The following ACSM3 variants were observed in gnomAD, a reference collection of about 807,000 sequenced individuals.
ACSM3 encodes the protein acyl-coenzyme A synthetase ACSM3, mitochondrial.
ACSM3 carries 61 observed loss-of-function variants against 74.1 expected under a neutral mutation model. That is an observed-to-expected ratio of 0.82 (90% CI 0.67 to 1.02). ACSM3 has a LOEUF of 1.02. ACSM3 is among the 50% of genes least tolerant of loss of function. The probability of loss-of-function intolerance (pLI) is 0.00; values close to 1 mark genes in which losing one functional copy is unlikely to be tolerated. For missense variants in ACSM3, 660 were observed against 697.0 expected (o/e 0.95, Z 0.60); for synonymous variants, 213 against 241.5 (o/e 0.88, Z 1.09).
At chr16:20,722,456 A>G (rs1312283911) in intron 1 of ACSM3, among the ~76,000 whole-genome samples, 1 of 152,222 alleles carries the variant, frequency 6.6e-6, no homozygotes, top group African/African-American at 2.4e-5. Context: ...GCTCTAAAAC[A>G]TTAGTATTTC....
At chr16:20,706,508 G>A (rs151220) in intron 1 of ACSM3, among the ~76,000 whole-genome samples, 144,701 of 152,268 alleles carry the variant, frequency 0.95, 68,985 homozygotes, top group Non-Finnish European at 0.99. Context: ...TGAGAACCTG[G>A]GGATTTAGGC....
rs1318176496 is a variant in ACSM3 at position 20,781,046 on chromosome 16, G to A, written c.855G>A (p.Trp285Ter). 3 of 1,614,200 alleles carry A rather than the reference G, an allele frequency of 1.9e-6. No individual in the cohort carries two copies. Among genetic ancestry groups the A allele is most frequent in the Non-Finnish European group, 1.7e-6 (2 of 1,180,036 alleles). ...ATACGGGCTGGGCAAAGTCTGCATG[G>A]AGTAGTGTTTTTTCTCCGTGGATCC... ...TSDTGWAKSA[W>*]SSVFSPWIQG... The change falls in exon 6 of 14, where the codon TGG becomes TGA. Residue 285 changes from tryptophan to a stop codon, truncating the protein, a stop_gained. Transcript: ENST00000289416. LOFTEE classifies it high-confidence loss of function.
intron 1 of ACSM3, among the ~76,000 whole-genome samples, chr16:20,695,487 TG>T (rs1461676930): frequency 6.6e-6 from 1 of 152,142 alleles, no homozygotes; most frequent in Non-Finnish European, 1.5e-5. Flanking sequence ...AGAGAAGGAA[TG>T]GGGATGAATA....
chr16:20,742,197 C>T (rs746981585), intron 1 of ACSM3: 16 of 456,512 alleles, frequency 3.5e-5, no homozygotes, highest in Admixed American at 2.0e-4. Flanking sequence ...TGCATGAGCC[C>T]CTTGAGGCAT....
At position 20,797,301 on chromosome 16, in the gene ACSM3, C is replaced by T; in HGVS notation, c.*329C>T. 9.7e-7 allele frequency: 1 copy of T among 1,036,088 alleles called. No homozygotes were observed. The highest frequency in any genetic ancestry group is 1.2e-6 in the Non-Finnish European group (1 of 865,500). The allele number at this position is 1,036,088 out of a possible 1,614,324, so 64.2% of individuals were successfully genotyped here. A position where few individuals can be genotyped will look rare whatever the true frequency, so the allele number is the denominator to read the frequency against. ...TTCAAACTTTAGTTGACTAATTCTT[C>T]TGATATGTTGATATACAAATCAGAA... On this transcript the variant is annotated 3_prime_UTR_variant, in exon 14 of 14. Coordinates refer to ENST00000289416, the MANE Select transcript of ACSM3 (RefSeq NM_005622.4).
chr16:20,787,026 C>A (rs1455923060), intron 9 of ACSM3, among the ~76,000 whole-genome samples: 1 of 152,228 alleles, frequency 6.6e-6, no homozygotes, highest in Non-Finnish European at 1.5e-5. Context: ...TCCACTGCCA[C>A]TACTACCACC....
intron 1 of ACSM3, among the ~76,000 whole-genome samples, chr16:20,711,845 AT>A (rs2079745072): frequency 6.6e-6 from 1 of 152,182 alleles, no homozygotes. Flanking sequence ...TAAGGAAGGG[AT>A]GTAGTTCTGC....
At chr16:20,718,011 G>GAAGAAGAAGAAGAAGAAGAAAAGA in intron 1 of ACSM3, among the ~76,000 whole-genome samples, 1 of 145,468 alleles carries the variant, frequency 6.9e-6, no homozygotes, top group Admixed American at 6.8e-5. Context: ...AGAAGAAGAA[G>GAAGAAGAAGAAGAAGAAGAAAAGA]AAGAAGAAGA....
At chr16:20,715,322 C>A (rs563675233) in intron 1 of ACSM3, among the ~76,000 whole-genome samples, 1 of 152,074 alleles carries the variant, frequency 6.6e-6, no homozygotes, top group African/African-American at 2.4e-5. Flanking sequence ...CTTCACTGTT[C>A]GACAGTCATG....
At chr16:20,722,796 T>G (rs1365907589) in intron 1 of ACSM3, among the ~76,000 whole-genome samples, 2 of 152,244 alleles carry the variant, frequency 1.3e-5, no homozygotes, top group Admixed American at 1.3e-4. Context: ...GGTTTGTTAC[T>G]GTAAGATTAA....
chr16:20,721,363 T>C (rs2079784660), intron 1 of ACSM3: 1 of 152,272 alleles, frequency 6.6e-6, no homozygotes, highest in Non-Finnish European at 1.5e-5. Flanking sequence ...TCTAGTTGAC[T>C]TGAGGTGGAG....
At chr16:20,694,641 G>A (rs1295076925) in intron 1 of ACSM3, among the ~76,000 whole-genome samples, 1 of 152,112 alleles carries the variant, frequency 6.6e-6, no homozygotes, top group Non-Finnish European at 1.5e-5. Context: ...CTTACTAAGT[G>A]ACTAAAGACC....
At chr16:20,727,498 A>G (rs2079810898) in intron 1 of ACSM3, 1 of 370,526 alleles carries the variant, frequency 2.7e-6, no homozygotes, top group African/African-American at 2.2e-5. Flanking sequence ...TATGTTTAGT[A>G]TATTTGGGGG....
intron 12 of ACSM3, among the ~76,000 whole-genome samples, chr16:20,795,614 C>T (rs1289969296): frequency 6.6e-6 from 1 of 152,202 alleles, no homozygotes; most frequent in Admixed American, 6.5e-5. Context: ...AAAAAAGCTT[C>T]AGGGGACTCT....
intron 1 of ACSM3, chr16:20,690,904 A>G: frequency 8.1e-7 from 1 of 1,235,220 alleles, no homozygotes; most frequent in Admixed American, 2.7e-5. Context: ...GGCAGAAGTA[A>G]CTTTGGTTCC....
chr16:20,738,578 GC>G (rs1200659046), intron 1 of ACSM3, among the ~76,000 whole-genome samples: 4 of 152,112 alleles, frequency 2.6e-5, no homozygotes, highest in African/African-American at 9.7e-5. Flanking sequence ...CAAATACCTG[GC>G]CCTGCATTCC....
intron 9 of ACSM3, among the ~76,000 whole-genome samples, chr16:20,786,967 T>C (rs924784938): frequency 6.6e-6 from 1 of 152,170 alleles, no homozygotes; most frequent in South Asian, 2.1e-4. Flanking sequence ...GCTGCAGCAC[T>C]TTCCCTCTCT....
intron 1 of ACSM3, chr16:20,741,881 A>G: frequency 2.0e-6 from 3 of 1,534,896 alleles, no homozygotes; most frequent in Admixed American, 3.9e-5. Context: ...GTGCTGCGCC[A>G]GGTCCTAAGG....
chr16:20,708,769 C>A (rs2079734857), intron 1 of ACSM3, among the ~76,000 whole-genome samples: 1 of 152,110 alleles, frequency 6.6e-6, no homozygotes, highest in African/African-American at 2.4e-5. Flanking sequence ...AAAAACAATT[C>A]TAAAATTCAT....
Sources: gnomAD v4.1 joint callset for allele counts (sites outside exome capture counted in the v4.1 genomes callset) on GRCh38, gnomAD v4.1.1 for gene constraint, MANE v1.5 for transcripts, NCBI Gene and HGNC (gene_info 2026-07-23, HGNC 2026-07-21) for gene names.